Variants in NLGN4X observed in about 807,000 individuals in gnomAD.
The protein encoded by NLGN4X is neuroligin-4, X-linked.
In NLGN4X, 3 loss-of-function variants were observed where a neutral mutation model predicts 40.3. The ratio of observed to expected loss-of-function variants is 0.07; its 90% CI spans 0.03 to 0.19. The LOEUF is 0.19. Among genes scored for constraint, NLGN4X ranks in the 10% least tolerant of loss-of-function variants. The pLI is 1.00. For synonymous variants in NLGN4X, 270 were observed against 306.8 expected (o/e 0.88, Z 1.25); for missense variants, 382 against 708.3 (o/e 0.54, Z 5.23).
chrX:6,221,561 T>C (rs1392549276), intron 1 of NLGN4X, among the ~76,000 whole-genome samples: 1 of 108,421 alleles, frequency 9.2e-6, no homozygotes, highest in Non-Finnish European at 1.9e-5. Flanking sequence ...ATTCTTACCA[T>C]GTAGCTTCAG....
At chrX:6,178,819 C>T (rs917644437) in intron 1 of NLGN4X, among the ~76,000 whole-genome samples, 17 of 111,171 alleles carry the variant, frequency 1.5e-4, no homozygotes, top group Admixed American at 1.3e-3. Flanking sequence ...AGAAATACTA[C>T]GTGGCTGGGC....
In NLGN4X at chrX:6,126,337, G is replaced by A. The variant is rs185596829; in HGVS notation, c.472+24658C>T. Among the ~76,000 whole-genome samples, 356 of 111,198 alleles carry A rather than the reference G, an allele frequency of 3.2e-3. 1 individual carries two copies. Among genetic ancestry groups the A allele is most frequent in the Middle Eastern group, 0.014 (3 of 216 alleles). On this transcript the variant is annotated intron_variant, in intron 2 of 5. Coordinates refer to ENST00000381095, the MANE Select transcript of NLGN4X (RefSeq NM_181332.3). ...AACAGTATTCATCCTCGCACTGGAC[G>A]TCAGTGGGCCATACAATGGTACAAG...
At chrX:5,957,917 A>G (rs1468521002) in intron 3 of NLGN4X, among the ~76,000 whole-genome samples, 1 of 112,543 alleles carries the variant, frequency 8.9e-6, no homozygotes, top group Admixed American at 9.4e-5. Flanking sequence ...CCTATTGTGT[A>G]GGAAAGTGAA....
intron 2 of NLGN4X, among the ~76,000 whole-genome samples, chrX:6,099,720 G>A (rs758387616): frequency 3.6e-5 from 4 of 112,494 alleles, no homozygotes; most frequent in Non-Finnish European, 7.5e-5. Flanking sequence ...AAGGATGCTG[G>A]AAAAATTATC....
intron 1 of NLGN4X, among the ~76,000 whole-genome samples, chrX:6,197,702 A>G (rs761315933): frequency 4.5e-5 from 5 of 111,386 alleles, no homozygotes; most frequent in African/African-American, 6.5e-5. Flanking sequence ...TTTTAAAAAC[A>G]TTAATTATAC....
At chrX:6,188,067 A>G (rs1024709593) in intron 1 of NLGN4X, among the ~76,000 whole-genome samples, 1 of 112,048 alleles carries the variant, frequency 8.9e-6, no homozygotes, top group African/African-American at 3.2e-5. Context: ...CTGCTATGGG[A>G]CAGGCACTCT....
intron 2 of NLGN4X, among the ~76,000 whole-genome samples, chrX:6,116,190 G>A (rs764266201): frequency 0.012 from 1,241 of 100,328 alleles, 16 homozygotes; most frequent in Non-Finnish European, 0.017. Context: ...CTACTCGGGA[G>A]GCTAAGGCAG....
intron 2 of NLGN4X, chrX:6,032,670 C>G (rs376757902): frequency 1.9e-4 from 215 of 1,140,384 alleles, no homozygotes; most frequent in Non-Finnish European, 2.3e-4. Flanking sequence ...TGGGGTTGAG[C>G]TTTGAAAAAA....
intron 3 of NLGN4X, among the ~76,000 whole-genome samples, chrX:5,952,715 T>A (rs781417738): frequency 9.0e-6 from 1 of 111,354 alleles, no homozygotes; most frequent in Non-Finnish European, 1.9e-5. Flanking sequence ...CTGGCAAGTC[T>A]GGAATCTGTA....
chrX:6,225,689 CTTT>C (rs749574818), intron 1 of NLGN4X, among the ~76,000 whole-genome samples: 10 of 26,889 alleles, frequency 3.7e-4, no homozygotes, highest in South Asian at 6.5e-3. Flanking sequence ...TTCTTTTTTT[CTTT>C]TTTTTTTTTT....
At chrX:6,033,266 AATATT>A (rs1250099395) in intron 2 of NLGN4X, among the ~76,000 whole-genome samples, 1 of 111,608 alleles carries the variant, frequency 9.0e-6, no homozygotes, top group Non-Finnish European at 1.9e-5. Context: ...CTTTATTCAA[AATATT>A]ATATAATTGA....
chrX:6,191,181 A>G (rs1922507978), intron 1 of NLGN4X, among the ~76,000 whole-genome samples: 2 of 111,160 alleles, frequency 1.8e-5, no homozygotes, highest in Admixed American at 1.9e-4. Context: ...AAATGCATCA[A>G]TGAAATAAGT....
chrX:5,895,605 ATATGTG>A (rs2031445059), intron 5 of NLGN4X, among the ~76,000 whole-genome samples: 2 of 111,220 alleles, frequency 1.8e-5, no homozygotes, highest in African/African-American at 3.3e-5. Context: ...TCATGTGTAT[ATATGTG>A]TATGTGTATA....
At chrX:6,223,532 T>A (rs1223778011) in intron 1 of NLGN4X, among the ~76,000 whole-genome samples, 5 of 112,655 alleles carry the variant, frequency 4.4e-5, no homozygotes, top group African/African-American at 9.7e-5. Flanking sequence ...TTTTTTTTCT[T>A]GTTCATGTGT....
intron 2 of NLGN4X, among the ~76,000 whole-genome samples, chrX:6,060,839 A>G (rs2147327428): frequency 8.9e-6 from 1 of 111,983 alleles, no homozygotes; most frequent in South Asian, 3.7e-4. Context: ...TCAACTCTTG[A>G]CAACCCAACA....
At chrX:5,896,875 G>C (rs887451137) in intron 5 of NLGN4X, among the ~76,000 whole-genome samples, 2 of 111,801 alleles carry the variant, frequency 1.8e-5, no homozygotes, top group African/African-American at 6.5e-5. Flanking sequence ...ATTCCTTTTT[G>C]GTAATAAAGG....
intron 1 of NLGN4X, among the ~76,000 whole-genome samples, chrX:6,177,344 A>G (rs2147790929): frequency 9.0e-6 from 1 of 111,194 alleles, no homozygotes; most frequent in East Asian, 2.9e-4. Context: ...TTTTTAGTAG[A>G]GATGGGGTTT....
At chrX:6,169,615 G>C (rs952669783) in intron 1 of NLGN4X, among the ~76,000 whole-genome samples, 8 of 112,797 alleles carry the variant, frequency 7.1e-5, no homozygotes, top group Non-Finnish European at 1.3e-4. Flanking sequence ...AATGCACAGA[G>C]CTCCTCCAAG....
At chrX:6,031,939 A>G (rs898752972) in intron 2 of NLGN4X, among the ~76,000 whole-genome samples, 1 of 111,112 alleles carries the variant, frequency 9.0e-6, no homozygotes, top group Non-Finnish European at 1.9e-5. Context: ...CTTAAGAAGA[A>G]ACTTCACAGC....
Sources: allele counts gnomAD v4.1 joint callset (sites outside exome capture counted in the v4.1 genomes callset), GRCh38; gene constraint gnomAD v4.1.1; transcripts MANE v1.5; gene names NCBI Gene and HGNC (gene_info 2026-07-23, HGNC 2026-07-21).